The following MTMR8 variants were observed in gnomAD, a reference collection of about 807,000 sequenced individuals.
MTMR8 encodes phosphatidylinositol-3,5-bisphosphate 3-phosphatase MTMR8.
A neutral mutation model predicts 39.3 loss-of-function variants in MTMR8; 65 were observed. The observed-to-expected ratio is 1.65, with a 90% CI of 1.35 to 2.03. MTMR8 has a LOEUF of 2.03. Ranked by LOEUF, MTMR8 falls within the 30% of genes most tolerant of loss-of-function variation. The probability of loss-of-function intolerance (pLI) is 0.00; values close to 1 mark genes in which losing one functional copy is unlikely to be tolerated. For synonymous variants in MTMR8, 245 were observed against 185.2 expected (o/e 1.32, Z -2.62); for missense variants, 777 against 538.9 (o/e 1.44, Z -4.37).
intron 12 of MTMR8, among the ~76,000 whole-genome samples, chrX:64,299,837 A>C (rs1223749207): frequency 2.1e-5 from 2 of 93,836 alleles, no homozygotes; most frequent in Non-Finnish European, 4.2e-5. Flanking sequence ...TTCGTTATGT[A>C]CCCAGTAGTC....
At chrX:64,358,489 T>C (rs1289088083) in intron 2 of MTMR8, among the ~76,000 whole-genome samples, 1 of 112,064 alleles carries the variant, frequency 8.9e-6, no homozygotes, top group Non-Finnish European at 1.9e-5. Context: ...GTATCTTGAC[T>C]TTTTAAAACT....
rs772547683 is a variant in MTMR8 at position 64,355,910 on chromosome X, A to G, written c.310+266T>C. Among the ~76,000 whole-genome samples the G allele has an allele frequency of 1.5e-4, 17 of 111,623 alleles. No individual in the cohort carries two copies. The South Asian group carries it at 6.4e-3, about 42-fold the overall frequency. ...TTAAAGGAGGGAAGGAGAGAGAAGAAAATATCTATTAAACATCTACTATAT... is the reference window on the plus strand; with the variant it reads ...TTAAAGGAGGGAAGGAGAGAGAAGAGAATATCTATTAAACATCTACTATAT... On this transcript the variant is annotated intron_variant, in intron 3 of 13. Coordinates refer to ENST00000374852, the MANE Select transcript of MTMR8 (RefSeq NM_017677.4).
intron 12 of MTMR8, among the ~76,000 whole-genome samples, chrX:64,299,175 T>G (rs1227458542): frequency 1.1e-5 from 1 of 87,736 alleles, no homozygotes; most frequent in Non-Finnish European, 2.2e-5. Flanking sequence ...CCCTTGTACC[T>G]CTGGTAGAAT....
chrX:64,314,637 G>T (rs1165829456), intron 12 of MTMR8, among the ~76,000 whole-genome samples: 1 of 112,935 alleles, frequency 8.9e-6, no homozygotes, highest in African/African-American at 3.2e-5. Context: ...GTGAACTGCT[G>T]CTGGCAGCAG....
intron 12 of MTMR8, among the ~76,000 whole-genome samples, chrX:64,298,623 G>A (rs1921720690): frequency 2.1e-5 from 2 of 95,217 alleles, no homozygotes; most frequent in Non-Finnish European, 3.8e-5. Context: ...ATGTTGAATA[G>A]GAGTGGTGAG....
At chrX:64,302,151 G>T (rs1030161020) in intron 12 of MTMR8, among the ~76,000 whole-genome samples, 1 of 112,635 alleles carries the variant, frequency 8.9e-6, no homozygotes, top group Non-Finnish European at 1.9e-5. Context: ...AATGGCGGGC[G>T]CCCCTCCCCC....
intron 12 of MTMR8, among the ~76,000 whole-genome samples, chrX:64,326,347 CA>C (rs1304889878): frequency 9.0e-6 from 1 of 111,561 alleles, no homozygotes; most frequent in Non-Finnish European, 1.9e-5. Context: ...AGCTAATAAA[CA>C]AATTCAGTAA....
At chrX:64,302,539 G>A (rs1407391916) in intron 12 of MTMR8, among the ~76,000 whole-genome samples, 4 of 112,041 alleles carry the variant, frequency 3.6e-5, no homozygotes, top group Admixed American at 2.8e-4. Flanking sequence ...CGTCGCTCAC[G>A]CTGGGAGCTG....
chrX:64,290,943 A>G (rs1288677426), intron 12 of MTMR8, among the ~76,000 whole-genome samples: 1 of 112,032 alleles, frequency 8.9e-6, no homozygotes, highest in Non-Finnish European at 1.9e-5. Flanking sequence ...TCATATAAAC[A>G]GAAAGTTTGA....
At chrX:64,332,868 C>T (rs1358246076) in intron 10 of MTMR8, among the ~76,000 whole-genome samples, 1 of 111,553 alleles carries the variant, frequency 9.0e-6, no homozygotes, top group African/African-American at 3.2e-5. Context: ...CACGATATCC[C>T]ACTCTGAACA....
intron 9 of MTMR8, among the ~76,000 whole-genome samples, chrX:64,336,747 A>C (rs1406968774): frequency 9.0e-6 from 1 of 111,666 alleles, no homozygotes; most frequent in Non-Finnish European, 1.9e-5. Flanking sequence ...CAGTGAGCCA[A>C]TATCGCACCA....
intron 12 of MTMR8, among the ~76,000 whole-genome samples, chrX:64,278,460 G>GT (rs56132040): frequency 0.017 from 408 of 24,691 alleles, 117 homozygotes; most frequent in Non-Finnish European, 0.028. Context: ...TATTTTGCTG[G>GT]TTTTTTTTTT....
chrX:64,372,633 C>T lies in MTMR8; in HGVS notation c.25-13106G>A, dbSNP rs181657886. Reference sequence around the variant, plus strand: ...CCAGCATAATTCTCTTAAGATTCATCCAGGTGTTTGCCTATATCAATAGTT... The same window carrying T: ...CCAGCATAATTCTCTTAAGATTCATTCAGGTGTTTGCCTATATCAATAGTT... On this transcript the variant is annotated intron_variant, in intron 1 of 13. Coordinates refer to ENST00000374852, the MANE Select transcript of MTMR8 (RefSeq NM_017677.4). Among the ~76,000 whole-genome samples the T allele has an allele frequency of 1.3e-4, 15 of 111,769 alleles. No homozygotes were observed. The East Asian group carries it at 4.2e-3, about 31-fold the overall frequency.
intron 12 of MTMR8, among the ~76,000 whole-genome samples, chrX:64,322,125 C>T (rs1922665374): frequency 9.2e-6 from 1 of 108,581 alleles, no homozygotes; most frequent in Non-Finnish European, 1.9e-5. Flanking sequence ...CTCACTGCAA[C>T]CTTGATCTCC....
intron 12 of MTMR8, among the ~76,000 whole-genome samples, chrX:64,285,281 A>C (rs997301086): frequency 8.9e-6 from 1 of 111,946 alleles, no homozygotes; most frequent in Non-Finnish European, 1.9e-5. Flanking sequence ...AACTATCCTA[A>C]ATATATATGC....
intron 1 of MTMR8, among the ~76,000 whole-genome samples, chrX:64,368,486 C>T (rs1246747558): frequency 9.0e-6 from 1 of 111,552 alleles, no homozygotes; most frequent in Admixed American, 9.5e-5. Flanking sequence ...TTTGACAAAC[C>T]TGACAAAAAC....
intron 1 of MTMR8, among the ~76,000 whole-genome samples, chrX:64,381,446 GTTTT>G (rs150707143): frequency 2.2e-5 from 2 of 91,773 alleles, no homozygotes; most frequent in Non-Finnish European, 4.4e-5. Context: ...CGATGGGGTT[GTTTT>G]TTTTTTTTTT....
chrX:64,360,434 C>T (rs780840870), intron 1 of MTMR8: 6 of 272,345 alleles, frequency 2.2e-5, no homozygotes, highest in African/African-American at 6.0e-5. Context: ...AACACTTACA[C>T]ATTACAACTG....
At chrX:64,269,085 G>A in intron 13 of MTMR8, 42 bp from the exon 14 acceptor site, 1 of 1,162,252 alleles carries the variant, frequency 8.6e-7, no homozygotes, top group South Asian at 2.0e-5. Context: ...ATTAGAAACA[G>A]GAGAAAAACT....
Sources: gnomAD v4.1 joint callset for allele counts (sites outside exome capture counted in the v4.1 genomes callset) on GRCh38, gnomAD v4.1.1 for gene constraint, MANE v1.5 for transcripts, NCBI Gene and HGNC (gene_info 2026-07-23, HGNC 2026-07-21) for gene names.